Variants in MCF2L observed in about 807,000 individuals in gnomAD.
MCF2L encodes the protein MCF.2 cell line derived transforming sequence like, also known as guanine nucleotide exchange factor DBS.
Under a neutral mutation model 153.4 loss-of-function variants are expected in MCF2L, and 97 were observed. The ratio of observed to expected loss-of-function variants is 0.63; its 90% CI spans 0.54 to 0.75. The LOEUF is 0.75. MCF2L is among the 30% of genes least tolerant of loss of function. The pLI, the probability that MCF2L is intolerant of heterozygous loss-of-function variation, is 0.00. For missense variants in MCF2L, 1,347 were observed against 1,495.2 expected (o/e 0.90, Z 1.64); for synonymous variants, 659 against 632.2 (o/e 1.04, Z -0.64).
At chr13:113,013,697 C>T (rs1594655221) in intron 1 of MCF2L, among the ~76,000 whole-genome samples, 1 of 152,224 alleles carries the variant, frequency 6.6e-6, no homozygotes, top group Non-Finnish European at 1.5e-5. Context: ...AGGTCATCAG[C>T]GTGAGTCCTG....
rs1325533820 is a variant in MCF2L at position 113,028,773 on chromosome 13, C to T, written c.278+4015C>T. ...CCGTGGAGCTGTTTCCCCCACCAGA[C>T]TCAGTGTGGGTGTCTGAGTGTGTGG... On this transcript the variant is annotated intron_variant, in intron 3 of 29. Coordinates refer to ENST00000535094, the MANE Select transcript of MCF2L (RefSeq NM_001112732.3). This position sits in a 1 kb window ranked among gnomAD's most constrained non-coding sequence, Gnocchi z 5.4. Among the ~76,000 whole-genome samples, 1 of 152,162 alleles carries T rather than the reference C, an allele frequency of 6.6e-6. No individual in the cohort carries two copies.
chr13:113,010,678 G>A (rs189654019), intron 1 of MCF2L, among the ~76,000 whole-genome samples: 2 of 152,202 alleles, frequency 1.3e-5, no homozygotes, highest in African/African-American at 4.8e-5. Flanking sequence ...AGCCTCTGCC[G>A]GGCCTCAGAT....
At chr13:112,987,646 C>G (rs2082703263) in intron 1 of MCF2L, among the ~76,000 whole-genome samples, 1 of 152,238 alleles carries the variant, frequency 6.6e-6, no homozygotes, top group African/African-American at 2.4e-5. Flanking sequence ...GGGAAGTCCT[C>G]CATACTGTGG....
chr13:112,973,594 G>A lies in MCF2L; in HGVS notation c.79+4136G>A, dbSNP rs995785452. Among the ~76,000 whole-genome samples the A allele has an allele frequency of 5.3e-5, 8 of 152,308 alleles. No homozygotes were observed. In the East Asian group the frequency reaches 1.4e-3, roughly 26 times the overall value. ...TCCCAAGAGCTCCTGAGAACGCAGC[G>A]CTCAGGCCTCCCAGCTGGGTGAGTC... On this transcript the variant is annotated intron_variant, in intron 1 of 29. Transcript: ENST00000535094.
At chr13:112,948,400 A>G (rs954564259) in intron 2 of MCF2L, among the ~76,000 whole-genome samples, 8 of 152,208 alleles carry the variant, frequency 5.3e-5, no homozygotes, top group African/African-American at 1.9e-4. Flanking sequence ...TTTTACCATA[A>G]GCAGTTAAGG....
At chr13:113,076,394 A>T (rs2141936359) in intron 12 of MCF2L, among the ~76,000 whole-genome samples, 1 of 152,058 alleles carries the variant, frequency 6.6e-6, no homozygotes, top group Non-Finnish European at 1.5e-5. Context: ...CCTCCTGAGT[A>T]GCTGGGATTA....
intron 3 of MCF2L, among the ~76,000 whole-genome samples, chr13:113,041,732 G>A (rs1453831330): frequency 6.6e-6 from 1 of 152,168 alleles, no homozygotes; most frequent in Non-Finnish European, 1.5e-5. Flanking sequence ...CTGAGGGGGT[G>A]TGGACGAGTG....
chr13:112,952,519 C>T (rs1394198757), intron 2 of MCF2L, among the ~76,000 whole-genome samples: 1 of 152,238 alleles, frequency 6.6e-6, no homozygotes, highest in African/African-American at 2.4e-5. Context: ...ACCGGATCCT[C>T]TTGGCAAAAT....
chr13:113,025,678 A>G (rs1316680637), intron 3 of MCF2L, among the ~76,000 whole-genome samples: 3 of 86,102 alleles, frequency 3.5e-5, no homozygotes, highest in Admixed American at 1.3e-4. Context: ...TCCCTGTGAG[A>G]TTTCCCTGTC....
intron 2 of MCF2L, among the ~76,000 whole-genome samples, chr13:112,924,391 C>CA (rs553951779): frequency 1.3e-4 from 19 of 151,858 alleles, no homozygotes; most frequent in African/African-American, 4.6e-4. Flanking sequence ...TAAAATGCTA[C>CA]AAAAAAATAA....
chr13:113,018,816 C>T (rs562578570), intron 2 of MCF2L, among the ~76,000 whole-genome samples: 4 of 152,374 alleles, frequency 2.6e-5, no homozygotes, highest in Admixed American at 6.5e-5. Flanking sequence ...CGCCACTGTG[C>T]GTCTCACTCC....
intron 8 of MCF2L, 59 bp downstream of exon 8, chr13:113,066,229 A>G: frequency 6.6e-7 from 1 of 1,508,014 alleles, no homozygotes; most frequent in Non-Finnish European, 8.9e-7. Context: ...GGATCCTCTC[A>G]GGCACACAGC....
At chr13:112,968,890 C>A, upstream of MCF2L, 1 of 711,184 alleles carries the variant, frequency 1.4e-6, no homozygotes, top group Non-Finnish European at 2.1e-6. Context: ...GGCGGTGACA[C>A]GAATTTCTAG....
chr13:112,998,382 C>T (rs1342569216), intron 1 of MCF2L, among the ~76,000 whole-genome samples: 2 of 152,152 alleles, frequency 1.3e-5, no homozygotes, highest in African/African-American at 2.4e-5. Flanking sequence ...CCGTGAGCCA[C>T]AGGCCTGGCC....
At chr13:112,965,458 G>A (rs1244395797), upstream of MCF2L, 1 of 152,224 alleles carries the variant, frequency 6.6e-6, no homozygotes, top group Non-Finnish European at 1.5e-5. Context: ...AGATTTCTGG[G>A]GCCACGGCTC....
At chr13:112,953,019 G>A (rs779361374) in intron 2 of MCF2L, among the ~76,000 whole-genome samples, 1 of 152,222 alleles carries the variant, frequency 6.6e-6, no homozygotes, top group Non-Finnish European at 1.5e-5. Context: ...AATGGGATGG[G>A]CCCGAGGGCT....
rs1377374453 is a variant in MCF2L at position 113,087,234 on chromosome 13, G to A, written c.2374-1G>A. 2.5e-6 allele frequency: 4 copies of A among 1,610,584 alleles called. No individual in the cohort carries two copies. The highest frequency in any genetic ancestry group is 3.4e-6 in the Non-Finnish European group (4 of 1,179,378). ...ACACAGCCCTGCTGTCGCACATTTA[G>A]GGGAATCTCGGCGACCTGGGCAAGC... On this transcript the variant is annotated splice_acceptor_variant, in intron 21 of 29. Transcript: ENST00000535094. LOFTEE classifies it high-confidence loss of function.
At chr13:112,939,248 C>T (rs1028088610) in intron 2 of MCF2L, among the ~76,000 whole-genome samples, 2 of 152,110 alleles carry the variant, frequency 1.3e-5, no homozygotes, top group African/African-American at 4.8e-5. Flanking sequence ...TGAGGGCCTC[C>T]GGCAGGTTTC....
intron 13 of MCF2L, 32 bp from the exon 14 acceptor site, chr13:113,078,330 GA>G: frequency 6.4e-7 from 1 of 1,573,844 alleles, no homozygotes; most frequent in Non-Finnish European, 8.7e-7. Context: ...GGTCAGAGGG[GA>G]CTTCATGCCC....
Sources: gnomAD v4.1 joint callset for allele counts (sites outside exome capture counted in the v4.1 genomes callset) on GRCh38, gnomAD v4.1.1 for gene constraint, Gnocchi (gnomAD v3.1) non-coding constraint, MANE v1.5 for transcripts, NCBI Gene and HGNC (gene_info 2026-07-23, HGNC 2026-07-21) for gene names.